The following UBE4B variants were observed in gnomAD, a reference collection of about 807,000 sequenced individuals.
The protein encoded by UBE4B is ubiquitination factor E4B, also known as ubiquitin conjugation factor E4 B.
A neutral mutation model predicts 148.1 loss-of-function variants in UBE4B; 27 were observed. That is an observed-to-expected ratio of 0.18 (90% CI 0.13 to 0.25). The LOEUF (loss-of-function observed/expected upper bound fraction) is 0.25, where lower values mean the gene tolerates loss of function less well. Among genes scored for constraint, UBE4B ranks in the 10% least tolerant of loss-of-function variants. The probability of loss-of-function intolerance (pLI) is 1.00; values close to 1 mark genes in which losing one functional copy is unlikely to be tolerated. For synonymous variants in UBE4B, 596 were observed against 619.3 expected (o/e 0.96, Z 0.56); for missense variants, 1,170 against 1,662.4 (o/e 0.70, Z 5.15).
intron 1 of UBE4B, among the ~76,000 whole-genome samples, chr1:10,035,287 G>T (rs528401985): frequency 1.3e-5 from 2 of 151,482 alleles, no homozygotes; most frequent in East Asian, 3.9e-4. Context: ...GTGAGCCACC[G>T]CGCCTGGCCT....
intron 3 of UBE4B, among the ~76,000 whole-genome samples, chr1:10,100,395 A>G (rs1167623454): frequency 2.0e-5 from 3 of 152,066 alleles, no homozygotes; most frequent in East Asian, 1.9e-4. Flanking sequence ...AGGCACAGTA[A>G]TAGTGCATAC....
intron 1 of UBE4B, among the ~76,000 whole-genome samples, chr1:10,040,506 C>G (rs1570761304): frequency 6.6e-6 from 1 of 152,118 alleles, no homozygotes; most frequent in Non-Finnish European, 1.5e-5. Context: ...CCACCTCAGC[C>G]TCCCAGAGTG....
chr1:10,047,250 T>C (rs1643931116), intron 1 of UBE4B, among the ~76,000 whole-genome samples: 1 of 152,182 alleles, frequency 6.6e-6, no homozygotes, highest in African/African-American at 2.4e-5. Flanking sequence ...AGATGTTGAT[T>C]TTTTTCTATT....
intron 19 of UBE4B, among the ~76,000 whole-genome samples, chr1:10,148,370 G>A (rs1246389539): frequency 2.0e-5 from 3 of 151,808 alleles, no homozygotes; most frequent in Non-Finnish European, 2.9e-5. Flanking sequence ...GGTGGCTCAC[G>A]TCTGTAATCC....
At chr1:10,154,129 G>A (rs1646026997) in intron 21 of UBE4B, among the ~76,000 whole-genome samples, 1 of 152,188 alleles carries the variant, frequency 6.6e-6, no homozygotes, top group African/African-American at 2.4e-5. Context: ...TGTAGTCCCA[G>A]CTACTCGGGA....
intron 21 of UBE4B, among the ~76,000 whole-genome samples, chr1:10,153,057 T>A (rs995217675): frequency 2.0e-5 from 3 of 151,982 alleles, no homozygotes; most frequent in African/African-American, 7.2e-5. Context: ...AACCAACTGC[T>A]ACTGCTGACA....
intron 21 of UBE4B, among the ~76,000 whole-genome samples, chr1:10,155,266 T>A (rs1350145587): frequency 6.6e-6 from 1 of 152,176 alleles, no homozygotes; most frequent in Non-Finnish European, 1.5e-5. Flanking sequence ...CTGGACCACC[T>A]CTTCAGTCAT....
intron 2 of UBE4B, among the ~76,000 whole-genome samples, chr1:10,085,143 C>T (rs1644745637): frequency 6.6e-6 from 1 of 152,182 alleles, no homozygotes; most frequent in South Asian, 2.1e-4. Context: ...TAACATTAAG[C>T]CCTAGCCAGC....
chr1:10,033,571 C>G lies in UBE4B; in HGVS notation c.-100C>G. The G allele has an allele frequency of 7.4e-7, 1 of 1,359,064 alleles. No homozygotes were observed. The highest frequency in any genetic ancestry group is 9.7e-7 in the Non-Finnish European group (1 of 1,030,830). The allele number at this position is 1,359,064 out of a possible 1,614,324, so 84.2% of individuals were successfully genotyped here. On this transcript the variant is annotated 5_prime_UTR_variant, in exon 1 of 28. Coordinates refer to ENST00000343090, the MANE Select transcript of UBE4B (RefSeq NM_001105562.3). ...CTGAAACCTCCCCCATTCGGGGGACCAGACAGCCTGATAGACACCTTCCAC... is the reference window on the plus strand; with the variant it reads ...CTGAAACCTCCCCCATTCGGGGGACGAGACAGCCTGATAGACACCTTCCAC...
chr1:10,043,830 C>T (rs868452107), intron 1 of UBE4B, among the ~76,000 whole-genome samples: 1 of 152,130 alleles, frequency 6.6e-6, no homozygotes, highest in Admixed American at 6.6e-5. Flanking sequence ...TATACCTGTT[C>T]ATGTAATCAC....
intron 26 of UBE4B, chr1:10,179,025 GC>G: frequency 1.8e-6 from 1 of 546,144 alleles, no homozygotes; most frequent in Non-Finnish European, 3.0e-6. Context: ...CTGACTTAAA[GC>G]CAGATAACAA....
chr1:10,065,888 A>G (rs191146821), intron 1 of UBE4B, among the ~76,000 whole-genome samples: 165 of 152,332 alleles, frequency 1.1e-3, no homozygotes, highest in African/African-American at 3.8e-3. Context: ...AATAAATGGA[A>G]TCATTATGTG....
At chr1:10,130,382 A>C (rs1025152799) in intron 12 of UBE4B, 118 bp from the exon 13 acceptor site, 3 of 944,952 alleles carry the variant, frequency 3.2e-6, no homozygotes, top group Non-Finnish European at 4.9e-6. Flanking sequence ...TGCCTGGCTG[A>C]AACATAAAAG....
chr1:10,034,991 G>GT (rs34028637), intron 1 of UBE4B, among the ~76,000 whole-genome samples: 21,106 of 151,204 alleles, frequency 0.14, 1,929 homozygotes, highest in Non-Finnish European at 0.2. Flanking sequence ...TTTTATGTGG[G>GT]TTTTTTTTTG....
At chr1:10,175,618 T>A (rs909885638) in intron 25 of UBE4B, among the ~76,000 whole-genome samples, 4 of 151,794 alleles carry the variant, frequency 2.6e-5, no homozygotes, top group Admixed American at 2.0e-4. Context: ...GCCACTGCAC[T>A]CCAGCCTGGG....
chr1:10,070,822 T>C (rs1644471591), intron 1 of UBE4B, among the ~76,000 whole-genome samples: 1 of 152,238 alleles, frequency 6.6e-6, no homozygotes, highest in Non-Finnish European at 1.5e-5. Context: ...AAAGAAAATC[T>C]GATCATTTTG....
intron 4 of UBE4B, 42 bp from the exon 5 acceptor site, chr1:10,102,906 C>T (rs1203751360): frequency 5.7e-6 from 9 of 1,571,496 alleles, no homozygotes; most frequent in Non-Finnish European, 7.8e-6. Flanking sequence ...CTAACTCATA[C>T]CTCTTATTTG....
intron 7 of UBE4B, among the ~76,000 whole-genome samples, chr1:10,112,530 G>C (rs965700981): frequency 1.2e-4 from 19 of 152,160 alleles, no homozygotes; most frequent in African/African-American, 4.1e-4. Flanking sequence ...CTCCCAGGTA[G>C]CTGGGATTAC....
At position 10,033,604 on chromosome 1, in the gene UBE4B, C is replaced by T; in HGVS notation, c.-67C>T. 2 of 1,449,670 alleles carry T rather than the reference C, an allele frequency of 1.4e-6. No homozygotes were observed. Among genetic ancestry groups the T allele is most frequent in the African/African-American group, 2.9e-5 (2 of 68,282 alleles). 89.8% of individuals were successfully genotyped at this position (1,449,670 alleles called of 1,614,324 possible). A position where few individuals can be genotyped will look rare whatever the true frequency, so the allele number is the denominator to read the frequency against. On this transcript the variant is annotated 5_prime_UTR_variant, in exon 1 of 28. Coordinates refer to ENST00000343090, the MANE Select transcript of UBE4B (RefSeq NM_001105562.3). ...CTGATAGACACCTTCCACTCTCCTT[C>T]CTCCCGCCGTGGTCTCGAGAACAGA...
Sources: allele counts gnomAD v4.1 joint callset (sites outside exome capture counted in the v4.1 genomes callset), GRCh38; gene constraint gnomAD v4.1.1; transcripts MANE v1.5; gene names NCBI Gene and HGNC (gene_info 2026-07-23, HGNC 2026-07-21).